The following UBR2 variants were observed in gnomAD, a reference collection of about 807,000 sequenced individuals.
The protein encoded by UBR2 is E3 ubiquitin-protein ligase UBR2.
A neutral mutation model predicts 247.9 loss-of-function variants in UBR2; 92 were observed. The observed-to-expected ratio is 0.37, with a 90% confidence interval of 0.31 to 0.44. UBR2 has a LOEUF of 0.44. UBR2 is among the 20% of genes least tolerant of loss of function. The pLI, the probability that UBR2 is intolerant of heterozygous loss-of-function variation, is 1.00. For missense variants in UBR2, 1,613 were observed against 2,112.6 expected (o/e 0.76, Z 4.64); for synonymous variants, 672 against 693.5 (o/e 0.97, Z 0.49).
rs566735899 is a variant in UBR2, at chr6:42,578,065, A to G, written c.338+4072A>G. Among the ~76,000 whole-genome samples, 19 of 152,114 alleles carry G rather than the reference A, an allele frequency of 1.2e-4. No individual in the cohort carries two copies. In the South Asian group the frequency reaches 3.5e-3, roughly 28 times the overall value. ...ACATTTATCATTTCTTTCTGTTGGGATGTTTTAACCCTGATTCTGTTGGTC... is the reference window on the plus strand; with the variant it reads ...ACATTTATCATTTCTTTCTGTTGGGGTGTTTTAACCCTGATTCTGTTGGTC... On this transcript the variant is annotated intron_variant, in intron 2 of 46. Transcript: ENST00000372901.
intron 11 of UBR2, among the ~76,000 whole-genome samples, chr6:42,627,309 A>C (rs12529803): frequency 0.25 from 37,502 of 151,968 alleles, 5,037 homozygotes; most frequent in East Asian, 0.46. Flanking sequence ...CTTAGGTTTT[A>C]CAATAGTAAT....
chr6:42,669,940 A>G (rs1333798452), intron 34 of UBR2, 152 bp from the exon 35 acceptor site: 1 of 930,136 alleles, frequency 1.1e-6, no homozygotes, highest in African/African-American at 1.7e-5. Context: ...GGGCAGGGGC[A>G]GTTTGCATTA....
chr6:42,671,759 A>G (rs1021827061), intron 36 of UBR2, among the ~76,000 whole-genome samples: 3 of 151,758 alleles, frequency 2.0e-5, no homozygotes, highest in African/African-American at 7.3e-5. Flanking sequence ...TCCCTCCTCC[A>G]TCCTGCAGTT....
At chr6:42,589,446 A>C (rs1792514044) in intron 2 of UBR2, among the ~76,000 whole-genome samples, 1 of 152,132 alleles carries the variant, frequency 6.6e-6, no homozygotes, top group South Asian at 2.1e-4. Flanking sequence ...ATTTTCATGA[A>C]AGAGATTGGT....
intron 46 of UBR2, 129 bp from the exon 47 acceptor site, chr6:42,690,903 T>C: frequency 1.7e-6 from 2 of 1,196,000 alleles, no homozygotes; most frequent in Non-Finnish European, 2.4e-6. Flanking sequence ...CACAGTCACC[T>C]GCCAGACAGA....
rs548353881 is a variant in UBR2 at position 42,667,208 on chromosome 6, C to T, written c.3881+963C>T. The stretch of plus-strand genomic sequence containing the variant: ...AAAATTAGCCAGGCGTGGTGGTGCA[C>T]GCTTGTAATCCCAGCTACTTGGGGG... On this transcript the variant is annotated intron_variant, in intron 34 of 46. Transcript: ENST00000372901. Among the ~76,000 whole-genome samples, 27 of 152,022 alleles carry T rather than the reference C, an allele frequency of 1.8e-4. No individual in the cohort carries two copies. The South Asian group carries it at 5.4e-3, about 30-fold the overall frequency.
rs536523917 is a variant in UBR2, at chr6:42,628,358, T to C, written c.1282-4194T>C. On this transcript the variant is annotated intron_variant, in intron 11 of 46. Transcript: ENST00000372901. ...TTGCCCTAGATATTAGTGGAATGTTTTACAGCAGTGGTACCTTTTGAATCA... is the reference window on the plus strand; with the variant it reads ...TTGCCCTAGATATTAGTGGAATGTTCTACAGCAGTGGTACCTTTTGAATCA... Among the ~76,000 whole-genome samples, 113 of 152,240 alleles carry C rather than the reference T, an allele frequency of 7.4e-4. 1 individual carries two copies. Among genetic ancestry groups the C allele is most frequent in the African/African-American group, 1.9e-3 (80 of 41,540 alleles).
chr6:42,598,460 T>C (rs73440612), intron 4 of UBR2, among the ~76,000 whole-genome samples: 2,286 of 152,290 alleles, frequency 0.015, 49 homozygotes, highest in African/African-American at 0.053. Context: ...TGTAGGCTAC[T>C]GAAAGCATTG....
At position 42,689,617 on chromosome 6, in the gene UBR2, T is replaced by C. The variant is rs1799638527; in HGVS notation, c.5073T>C (p.Cys1691=). The part of the protein sequence containing the change: ...VLFLAGKTKG[C]FYSPPYLDDY... The stretch of plus-strand genomic sequence containing the variant: ...TTTTAGCTGGCAAAACCAAAGGCTG[T>C]TTTTATTCTCCTCCTTACCTTGATG... Residue 1691 remains cysteine (C), a synonymous_variant, in exon 46 of 47, where the codon TGT becomes TGC. Coordinates refer to ENST00000372901, the MANE Select transcript of UBR2 (RefSeq NM_001363705.2). The surrounding 1 kb of genome is among the most constrained non-coding windows in gnomAD (Gnocchi z 4.0). The C allele has an allele frequency of 6.2e-7, 1 of 1,613,974 alleles. No individual in the cohort carries two copies. Among genetic ancestry groups the C allele is most frequent in the Non-Finnish European group, 8.5e-7 (1 of 1,179,974 alleles).
intron 36 of UBR2, among the ~76,000 whole-genome samples, chr6:42,672,316 A>G (rs1321236809): frequency 6.6e-6 from 1 of 152,106 alleles, no homozygotes; most frequent in East Asian, 1.9e-4. Flanking sequence ...TGCAGGCATG[A>G]GCCACCATTC....
At chr6:42,564,495 C>T in intron 1 of UBR2, 98 bp downstream of exon 1, 1 of 1,362,972 alleles carries the variant, frequency 7.3e-7, no homozygotes, top group Non-Finnish European at 1.0e-6. Context: ...CCGACCCAGA[C>T]TTGGGGAAAC....
chr6:42,574,124 A>AGATTT, intron 2 of UBR2, 131 bp downstream of exon 2: 1 of 873,188 alleles, frequency 1.1e-6, no homozygotes, highest in Non-Finnish European at 1.6e-6. Context: ...TTACAAATAC[A>AGATTT]TGCTATTTAA....
chr6:42,666,108 T>C, intron 33 of UBR2, 59 bp from the exon 34 acceptor site: 2 of 1,441,844 alleles, frequency 1.4e-6, no homozygotes, highest in Non-Finnish European at 1.9e-6. Context: ...CCTATATGGC[T>C]GTACTTTTAG....
rs1287689482 is a variant in UBR2, at chr6:42,671,411, A to C, written c.4086+696A>C. On this transcript the variant is annotated intron_variant, in intron 36 of 46. Coordinates refer to ENST00000372901, the MANE Select transcript of UBR2 (RefSeq NM_001363705.2). ...TGCAACAGCACAAGATCCTATCTTT[A>C]AAAAAAAAAAAAAGAAGAAGAAGAA... Among the ~76,000 whole-genome samples, 21 of 1,580 alleles carry C rather than the reference A, an allele frequency of 0.013. No homozygotes were observed. In the South Asian group the frequency reaches 0.15, roughly 11 times the overall value. The allele number at this position is 1,580 out of a possible 152,430, so 1.0% of individuals were successfully genotyped here.
At chr6:42,580,654 T>C (rs113241136) in intron 2 of UBR2, among the ~76,000 whole-genome samples, 3,318 of 151,768 alleles carry the variant, frequency 0.022, 111 homozygotes, top group African/African-American at 0.075. Context: ...ATTCTCCTGC[T>C]TCAGCCTCCT....
intron 40 of UBR2, 125 bp downstream of exon 40, chr6:42,676,998 G>A (rs1404102287): frequency 1.2e-5 from 9 of 756,788 alleles, no homozygotes; most frequent in African/African-American, 1.7e-5. Context: ...AAAATAAGAC[G>A]TGGAGTGATC....
At chr6:42,661,188 T>C (rs1206622758) in intron 30 of UBR2, among the ~76,000 whole-genome samples, 1 of 151,706 alleles carries the variant, frequency 6.6e-6, no homozygotes, top group African/African-American at 2.4e-5. Context: ...CTCGGGAGGC[T>C]GAGGCAGGAG....
intron 11 of UBR2, among the ~76,000 whole-genome samples, chr6:42,632,276 A>G (rs1035723107): frequency 3.9e-5 from 6 of 151,956 alleles, no homozygotes; most frequent in African/African-American, 1.4e-4. Context: ...CCTGATTCAG[A>G]GCCCCCACCC....
In UBR2 at chr6:42,644,469, A is replaced by G. The variant is rs775042178; in HGVS notation, c.2221-4A>G. ...TGAACTTTATCTTCCCTCACTTGTT[A>G]TAGGATGTTGTTCAGCAGAACAATA... On this transcript the variant is annotated splice_polypyrimidine_tract_variant and splice_region_variant and intron_variant, in intron 19 of 46. Transcript: ENST00000372901. The G allele has an allele frequency of 2.5e-6, 4 of 1,611,400 alleles. No homozygotes were observed. The highest frequency in any genetic ancestry group is 3.4e-6 in the Non-Finnish European group (4 of 1,178,938).
Sources: allele counts gnomAD v4.1 joint callset (sites outside exome capture counted in the v4.1 genomes callset), GRCh38; gene constraint gnomAD v4.1.1; non-coding constraint Gnocchi (gnomAD v3.1); transcripts MANE v1.5; gene names NCBI Gene and HGNC (gene_info 2026-07-23, HGNC 2026-07-21).